Variants in USP40 observed in about 807,000 individuals in gnomAD.
USP40 encodes ubiquitin carboxyl-terminal hydrolase 40.
USP40 carries 143 observed loss-of-function variants against 166.2 expected under a neutral mutation model. The ratio of observed to expected loss-of-function variants is 0.86; its 90% CI spans 0.75 to 0.99. The LOEUF is 0.99. USP40 is among the 50% of genes least tolerant of loss of function. The pLI, the probability that USP40 is intolerant of heterozygous loss-of-function variation, is 0.00. For synonymous variants in USP40, 498 were observed against 524.0 expected (o/e 0.95, Z 0.68); for missense variants, 1,444 against 1,479.7 (o/e 0.98, Z 0.40).
Position 233,549,197 on chromosome 2 carries a change from G to T in USP40, c.870C>A (p.Asp290Glu). ...CTTTGTGTATAATAACTGAGAAGAG[G>T]TCATATATATATTCTAAGTCATCCA... ...SELDDLEYIY[D>E]LFSVIIHKGG... is the part of the protein sequence containing the mutation. Residue 290 changes from aspartate to glutamate, a missense_variant, in exon 8 of 32, where the codon GAC becomes GAA. Coordinates refer to ENST00000678225, the MANE Select transcript of USP40 (RefSeq NM_001365479.2). The T allele has an allele frequency of 6.6e-7, 1 of 1,506,774 alleles. No homozygotes were observed. The highest frequency in any genetic ancestry group is 9.1e-7 in the Non-Finnish European group (1 of 1,094,348). The allele number at this position is 1,506,774 out of a possible 1,614,324, so 93.3% of individuals were successfully genotyped here.
intron 12 of USP40, 107 bp downstream of exon 12, chr2:233,529,324 T>C (rs1321871126): frequency 2.2e-6 from 2 of 899,804 alleles, no homozygotes; most frequent in South Asian, 2.0e-5. Context: ...CATTAACAAG[T>C]TGACTATTTT....
At chr2:233,484,337 G>A (rs970318294) in intron 30 of USP40, among the ~76,000 whole-genome samples, 11 of 152,112 alleles carry the variant, frequency 7.2e-5, no homozygotes, top group African/African-American at 2.7e-4. Context: ...AGAACATGAC[G>A]TGGCTCTAAC....
At chr2:233,479,184 C>T (rs2064374579) in intron 31 of USP40, among the ~76,000 whole-genome samples, 1 of 152,180 alleles carries the variant, frequency 6.6e-6, no homozygotes, top group African/African-American at 2.4e-5. Context: ...TATTGGATGT[C>T]TCCAAATAAC....
chr2:233,504,335 T>C (rs866083110), intron 21 of USP40, among the ~76,000 whole-genome samples: 3 of 151,976 alleles, frequency 2.0e-5, no homozygotes, highest in Non-Finnish European at 4.4e-5. Flanking sequence ...AATTAAAAGA[T>C]ATAAAAGTGA....
At chr2:233,489,817 A>G (rs1422677269) in intron 26 of USP40, 1 of 215,704 alleles carries the variant, frequency 4.6e-6, no homozygotes, top group African/African-American at 2.4e-5. Flanking sequence ...TCACCAGGGC[A>G]GAGCCCGCTC....
intron 8 of USP40, among the ~76,000 whole-genome samples, chr2:233,543,229 G>C (rs1159092678): frequency 6.6e-6 from 1 of 152,126 alleles, no homozygotes; most frequent in African/African-American, 2.4e-5. Context: ...CCTAAACAAT[G>C]CAAGCCAAAA....
At position 233,481,224 on chromosome 2, in the gene USP40, C is replaced by G; in HGVS notation, c.3578G>C (p.Arg1193Pro). 6.2e-7 allele frequency: 1 copy of G among 1,607,352 alleles called. No individual in the cohort carries two copies. The highest frequency in any genetic ancestry group is 8.5e-7 in the Non-Finnish European group (1 of 1,176,672). ...DDTGKEKQKQRALGRRKSQEA... is the reference protein window; with the variant it reads ...DDTGKEKQKQPALGRRKSQEA... ...TTACCTTTTCCTTCTCCCCAGGGCC[C>G]GTTGTTTCTGCTTTTCTTTTCCAGT... The change falls in exon 31 of 32, where the codon CGG (arginine) becomes CCG (proline). Residue 1193 changes from arginine to proline, a missense_variant. Coordinates refer to ENST00000678225, the MANE Select transcript of USP40 (RefSeq NM_001365479.2).
intron 18 of USP40, among the ~76,000 whole-genome samples, chr2:233,518,076 T>C (rs545900822): frequency 6.6e-6 from 1 of 151,580 alleles, no homozygotes; most frequent in African/African-American, 2.4e-5. Flanking sequence ...TAGGGTGTAG[T>C]GTATACTGCT....
In USP40 at chr2:233,485,941, G is replaced by T; in HGVS notation, c.3234C>A (p.Ile1078=). The part of the protein sequence containing the change: ...QDVLLRTQVR[I]PGERTYAPAL... ...CAGGGGCATAGGTCCTCTCACCAGGGATGCGCACCTGTGTCCTCAGCAGCA... is the reference window on the plus strand; with the variant it reads ...CAGGGGCATAGGTCCTCTCACCAGGTATGCGCACCTGTGTCCTCAGCAGCA... Residue 1078 remains isoleucine, a synonymous_variant, in exon 29 of 32, where the codon ATC becomes ATA. Coordinates refer to ENST00000678225, the MANE Select transcript of USP40 (RefSeq NM_001365479.2). The T allele has an allele frequency of 6.3e-7, 1 of 1,595,080 alleles. No homozygotes were observed. Among genetic ancestry groups the T allele is most frequent in the Non-Finnish European group, 8.5e-7 (1 of 1,172,012 alleles).
At chr2:233,528,646 C>T (rs1253739415) in intron 12 of USP40, among the ~76,000 whole-genome samples, 1 of 152,150 alleles carries the variant, frequency 6.6e-6, no homozygotes, top group African/African-American at 2.4e-5. Flanking sequence ...ATATTTCGCT[C>T]TGTTAAGTTT....
chr2:233,505,194 G>C (rs1484350802), intron 21 of USP40, among the ~76,000 whole-genome samples: 1 of 151,978 alleles, frequency 6.6e-6, no homozygotes, highest in Non-Finnish European at 1.5e-5. Flanking sequence ...AGCAAAAACA[G>C]TTCTAAGAGG....
chr2:233,562,738 T>G lies in USP40; in HGVS notation c.265A>C (p.Lys89Gln), dbSNP rs1351994070. 16 of 1,514,988 alleles carry G rather than the reference T, an allele frequency of 1.1e-5. No homozygotes were observed. Among genetic ancestry groups the G allele is most frequent in the Non-Finnish European group, 1.3e-5 (15 of 1,129,302 alleles). 93.8% of individuals were successfully genotyped at this position (1,514,988 alleles called of 1,614,324 possible). Reference sequence around the variant, plus strand: ...AATAATAATAATAATAAAAATACCTTTGCATCGGGTTTATCCTTATCTTCA... The same window carrying G: ...AATAATAATAATAATAAAAATACCTGTGCATCGGGTTTATCCTTATCTTCA... The part of the protein sequence containing the change: ...LFEDKDKPDA[K>Q]VRIIPLQLQR... The change falls in exon 3 of 32, where the codon AAG (lysine) becomes CAG (glutamine). Residue 89 changes from lysine (K) to glutamine (Q), a missense_variant and splice_region_variant. Lys to Gln is a moderately conservative substitution (Grantham distance 53). Transcript: ENST00000678225.
chr2:233,476,899 C>A lies in USP40; in HGVS notation c.*493G>T, dbSNP rs1037635543. 7.6e-5 allele frequency: 16 copies of A among 211,478 alleles called. No homozygotes were observed. The highest frequency in any genetic ancestry group is 6.3e-4 in the Admixed American group (12 of 18,918). The allele number at this position is 211,478 out of a possible 1,614,324, so 13.1% of individuals were successfully genotyped here. The stretch of plus-strand genomic sequence containing the variant: ...GGGAAATGAAGTCCTGAAAGCAGAC[C>A]CCACTTCTGCCCGCTTCTGCTCAGC... On this transcript the variant is annotated 3_prime_UTR_variant, in exon 32 of 32. Coordinates refer to ENST00000678225, the MANE Select transcript of USP40 (RefSeq NM_001365479.2).
At chr2:233,541,372 G>C (rs906210882) in intron 9 of USP40, among the ~76,000 whole-genome samples, 2 of 152,144 alleles carry the variant, frequency 1.3e-5, no homozygotes, top group Non-Finnish European at 2.9e-5. Flanking sequence ...ATCATAAGAA[G>C]ACGAAGTTTG....
rs370277969 is a variant in USP40, at chr2:233,561,168, C to T, written c.268-1244G>A. 466 of 1,577,378 alleles carry T rather than the reference C, an allele frequency of 3.0e-4. 3 individuals are homozygous for T. The African/African-American group carries it at 3.6e-3, about 12-fold the overall frequency. On this transcript the variant is annotated intron_variant, in intron 3 of 31. Coordinates refer to ENST00000678225, the MANE Select transcript of USP40 (RefSeq NM_001365479.2). Reference sequence around the variant, plus strand: ...AATCATAGATGTAATACCTTTGCATCGGGTTTATCCTTATCTTCAAACAAA... The same window carrying T: ...AATCATAGATGTAATACCTTTGCATTGGGTTTATCCTTATCTTCAAACAAA...
rs866811673 is a variant in USP40, at chr2:233,515,412, C to T, written c.2384-2790G>A. 5.3e-5 allele frequency among the ~76,000 whole-genome samples: 8 copies of T among 152,272 alleles called. No homozygotes were observed. In the South Asian group the frequency reaches 8.3e-4, roughly 16 times the overall value. On this transcript the variant is annotated intron_variant, in intron 18 of 31. Coordinates refer to ENST00000678225, the MANE Select transcript of USP40 (RefSeq NM_001365479.2). ...GACTTAACATTTTAAGTTTTATTTACTCCACTGGGTGCACAGTAGGGTGTC... is the reference window on the plus strand; with the variant it reads ...GACTTAACATTTTAAGTTTTATTTATTCCACTGGGTGCACAGTAGGGTGTC...
At chr2:233,506,318 T>C (rs1225827866) in intron 21 of USP40, among the ~76,000 whole-genome samples, 1 of 152,192 alleles carries the variant, frequency 6.6e-6, no homozygotes, top group East Asian at 1.9e-4. Context: ...GAGACTAGAT[T>C]CCCTAACTCT....
At position 233,523,729 on chromosome 2, in the gene USP40, A is replaced by G. The variant is rs552844962; in HGVS notation, c.1882-240T>C. 2.6e-5 allele frequency among the ~76,000 whole-genome samples: 4 copies of G among 152,306 alleles called. No individual in the cohort carries two copies. In the East Asian group the frequency reaches 7.7e-4, roughly 29 times the overall value. ...TGGAGATAGACATTTATGAGTTATC[A>G]TGGGTGGTGATGAAGCCAGATTGGC... On this transcript the variant is annotated intron_variant, in intron 15 of 31. Transcript: ENST00000678225.
chr2:233,545,105 A>T (rs926212896), intron 8 of USP40, among the ~76,000 whole-genome samples: 10 of 152,244 alleles, frequency 6.6e-5, no homozygotes, highest in Non-Finnish European at 1.3e-4. Context: ...CACAATACTA[A>T]AATCACAAGG....
Sources: allele counts gnomAD v4.1 joint callset (sites outside exome capture counted in the v4.1 genomes callset), GRCh38; gene constraint gnomAD v4.1.1; transcripts MANE v1.5; gene names NCBI Gene and HGNC (gene_info 2026-07-23, HGNC 2026-07-21).